DPF3: variants seen among roughly 807,000 people sequenced by gnomAD.
The protein encoded by DPF3 is zinc finger protein DPF3.
In DPF3, 18 loss-of-function variants were observed where a neutral mutation model predicts 56.8. That is an observed-to-expected ratio of 0.32 (90% CI 0.22 to 0.47). The LOEUF (loss-of-function observed/expected upper bound fraction) is 0.47, where lower values mean the gene tolerates loss of function less well. Among genes scored for constraint, DPF3 ranks in the 20% least tolerant of loss-of-function variants. The pLI is 1.00. For synonymous variants in DPF3, 188 were observed against 180.2 expected, an observed-to-expected ratio of 1.04 and a Z score of -0.35; for missense variants, 403 against 488.8, an observed-to-expected ratio of 0.82 and a Z score of 1.65.
At chr14:72,657,993 C>T (rs1004504371) in intron 8 of DPF3, among the ~76,000 whole-genome samples, 3 of 152,170 alleles carry the variant, frequency 2.0e-5, no homozygotes, top group South Asian at 2.1e-4. Flanking sequence ...ATGACCCCAG[C>T]GAGTAGTGTT....
At chr14:72,867,711 A>C (rs1042632305) in intron 1 of DPF3, among the ~76,000 whole-genome samples, 1 of 152,156 alleles carries the variant, frequency 6.6e-6, no homozygotes, top group Non-Finnish European at 1.5e-5. Context: ...CTGTTGTATA[A>C]GCTTGATATC....
intron 3 of DPF3, among the ~76,000 whole-genome samples, chr14:72,752,745 G>C (rs1890631344): frequency 6.6e-6 from 1 of 152,164 alleles, no homozygotes; most frequent in Non-Finnish European, 1.5e-5. Flanking sequence ...GCATCACACG[G>C]GTAAATTGTA....
chr14:72,714,346 C>A, intron 6 of DPF3, 77 bp downstream of exon 6: 2 of 1,575,664 alleles, frequency 1.3e-6, no homozygotes, highest in Non-Finnish European at 1.7e-6. Context: ...AGGCGGATGG[C>A]CAAGGAAGCA....
chr14:72,643,903 G>C (rs542504042), intron 8 of DPF3, among the ~76,000 whole-genome samples: 2 of 152,160 alleles, frequency 1.3e-5, no homozygotes, highest in East Asian at 1.9e-4. Flanking sequence ...TACTACAATC[G>C]AGACACCCAC....
intron 6 of DPF3, among the ~76,000 whole-genome samples, chr14:72,702,352 C>T (rs889398736): frequency 1.3e-5 from 2 of 152,170 alleles, no homozygotes; most frequent in Non-Finnish European, 2.9e-5. Flanking sequence ...AGGGGCCCAC[C>T]TCCAAGACTC....
chr14:72,773,914 A>G (rs1259188522), intron 1 of DPF3: 1 of 455,478 alleles, frequency 2.2e-6, no homozygotes, highest in Non-Finnish European at 4.4e-6. Flanking sequence ...CTGTCAGTGG[A>G]TATCTGGGTT....
chr14:72,677,885 AGAAC>A, intron 7 of DPF3, among the ~76,000 whole-genome samples: 1 of 152,262 alleles, frequency 6.6e-6, no homozygotes, highest in Non-Finnish European at 1.5e-5. Flanking sequence ...CAAACACACA[AGAAC>A]ATAGAAGACA....
chr14:72,719,929 G>C (rs115195319), intron 5 of DPF3, among the ~76,000 whole-genome samples: 3 of 152,214 alleles, frequency 2.0e-5, no homozygotes, highest in African/African-American at 7.2e-5. Context: ...ATAAAGCAGA[G>C]CCTATTCTGT....
At chr14:72,805,221 A>T (rs996957771) in intron 1 of DPF3, among the ~76,000 whole-genome samples, 1 of 152,226 alleles carries the variant, frequency 6.6e-6, no homozygotes, top group Non-Finnish European at 1.5e-5. Flanking sequence ...CTGTAATCCC[A>T]GCACTTTGGG....
chr14:72,820,616 A>G (rs369251212), intron 1 of DPF3, among the ~76,000 whole-genome samples: 2 of 152,222 alleles, frequency 1.3e-5, no homozygotes, highest in Admixed American at 1.3e-4. Flanking sequence ...CAAAACCTTA[A>G]CAATTTTCAG....
intron 8 of DPF3, chr14:72,670,685 A>C: frequency 1.0e-6 from 1 of 995,884 alleles, no homozygotes; most frequent in Non-Finnish European, 1.2e-6. Context: ...TTCTAATAAC[A>C]GCTAGAATAT....
At chr14:72,735,009 A>T in intron 3 of DPF3, among the ~76,000 whole-genome samples, 1 of 152,168 alleles carries the variant, frequency 6.6e-6, no homozygotes. Flanking sequence ...TGCAGCTTAT[A>T]GAGGTTGAGA....
At chr14:72,644,697 A>G (rs1885664121) in intron 8 of DPF3, among the ~76,000 whole-genome samples, 1 of 152,232 alleles carries the variant, frequency 6.6e-6, no homozygotes. Flanking sequence ...AAGGGTAGAC[A>G]AGAGCCTCAC....
chr14:72,674,948 G>A (rs902625028), intron 7 of DPF3, among the ~76,000 whole-genome samples: 1 of 152,184 alleles, frequency 6.6e-6, no homozygotes, highest in African/African-American at 2.4e-5. Flanking sequence ...TCCCTGAAGG[G>A]GAGTCTCATC....
At chr14:72,622,386 T>G (rs1372891815) in intron 9 of DPF3, among the ~76,000 whole-genome samples, 1 of 152,100 alleles carries the variant, frequency 6.6e-6, no homozygotes, top group African/African-American at 2.4e-5. Context: ...GTTACATCAT[T>G]ATTGCAGAGC....
intron 8 of DPF3, among the ~76,000 whole-genome samples, chr14:72,658,312 T>C (rs1056961569): frequency 6.6e-6 from 1 of 152,156 alleles, no homozygotes; most frequent in Admixed American, 6.5e-5. Context: ...AAAAAATTTG[T>C]AAAAGTCTAT....
At chr14:72,720,240 C>G (rs1263920324) in intron 5 of DPF3, among the ~76,000 whole-genome samples, 1 of 152,112 alleles carries the variant, frequency 6.6e-6, no homozygotes, top group Non-Finnish European at 1.5e-5. Flanking sequence ...TGCCTGTAAT[C>G]CCAGCACTTT....
At chr14:72,886,095 G>C (rs1478389452) in intron 1 of DPF3, among the ~76,000 whole-genome samples, 2 of 152,148 alleles carry the variant, frequency 1.3e-5, no homozygotes, top group Non-Finnish European at 2.9e-5. Flanking sequence ...TGGGCAGCTG[G>C]GCACGGTGGC....
chr14:72,666,834 T>C (rs566484392), intron 8 of DPF3, among the ~76,000 whole-genome samples: 1 of 152,324 alleles, frequency 6.6e-6, no homozygotes, highest in Non-Finnish European at 1.5e-5. Flanking sequence ...CTCCAAAGGC[T>C]GAGCAAAATC....
Sources: allele counts gnomAD v4.1 joint callset (sites outside exome capture counted in the v4.1 genomes callset), GRCh38; gene constraint gnomAD v4.1.1; transcripts MANE v1.5; gene names NCBI Gene and HGNC (gene_info 2026-07-23, HGNC 2026-07-21).